The following GPC5 variants were observed in gnomAD, a reference collection of about 807,000 sequenced individuals.
GPC5 encodes the protein glypican 5.
In GPC5, 47 loss-of-function variants were observed where a neutral mutation model predicts 53.9. That is an observed-to-expected ratio of 0.87 (90% confidence interval 0.69 to 1.11). The LOEUF is 1.11. GPC5 is among the 50% of genes most tolerant of loss of function. GPC5 has a pLI of 0.00. For synonymous variants in GPC5, 286 were observed against 263.3 expected, an observed-to-expected ratio of 1.09 and a Z score of -0.84; for missense variants, 748 against 713.1, an observed-to-expected ratio of 1.05 and a Z score of -0.56.
At chr13:91,903,297 A>G (rs1594652767) in intron 5 of GPC5, among the ~76,000 whole-genome samples, 1 of 152,224 alleles carries the variant, frequency 6.6e-6, no homozygotes, top group Middle Eastern at 3.4e-3. Flanking sequence ...ATACTATATC[A>G]TTATACAAAT....
At chr13:91,537,340 T>G (rs1419412073) in intron 2 of GPC5, among the ~76,000 whole-genome samples, 1 of 149,568 alleles carries the variant, frequency 6.7e-6, no homozygotes, top group African/African-American at 2.5e-5. Flanking sequence ...AAATCAGGAG[T>G]GAAAGAAAGG....
chr13:91,598,400 T>A (rs74392629), intron 2 of GPC5, among the ~76,000 whole-genome samples: 5,163 of 152,096 alleles, frequency 0.034, 125 homozygotes, highest in Non-Finnish European at 0.049. Flanking sequence ...CAGGTAGAGC[T>A]CTTTCACTAA....
At position 92,022,520 on chromosome 13, in the gene GPC5, AGGTACAT is replaced by A. The variant is rs2040767664; in HGVS notation, c.1401+114467_1401+114473del. ...TATGCCTGTGAAATTACATTGAGTC[AGGTACAT>A]GGTGGATCTTAATAATTGTGTGTTT... On this transcript the variant is annotated intron_variant, in intron 6 of 7. Transcript: ENST00000377067. Among the ~76,000 whole-genome samples the A allele has an allele frequency of 2.0e-5, 3 of 152,280 alleles. No homozygotes were observed. The South Asian group carries it at 6.2e-4, about 32-fold the overall frequency.
intron 2 of GPC5, among the ~76,000 whole-genome samples, chr13:91,463,683 A>G (rs528119129): frequency 6.6e-6 from 1 of 152,260 alleles, no homozygotes; most frequent in South Asian, 2.1e-4. Context: ...TATTCAATGG[A>G]GAAAGAATAT....
At chr13:91,468,136 G>A (rs929596835) in intron 2 of GPC5, among the ~76,000 whole-genome samples, 2 of 152,128 alleles carry the variant, frequency 1.3e-5, no homozygotes, top group Non-Finnish European at 2.9e-5. Context: ...TGGCAGCTGT[G>A]CATGTTGCTT....
At chr13:92,272,771 AC>A (rs1299099629) in intron 7 of GPC5, among the ~76,000 whole-genome samples, 2 of 152,208 alleles carry the variant, frequency 1.3e-5, no homozygotes, top group African/African-American at 4.8e-5. Context: ...GTATTACAGA[AC>A]AAAGTGGAAT....
chr13:91,423,690 G>A (rs537422069), intron 1 of GPC5, among the ~76,000 whole-genome samples: 1 of 152,142 alleles, frequency 6.6e-6, no homozygotes, highest in Non-Finnish European at 1.5e-5. Context: ...ATAATGTATT[G>A]TGTATTTCAA....
intron 7 of GPC5, among the ~76,000 whole-genome samples, chr13:92,145,349 TA>T (rs898317282): frequency 6.6e-6 from 1 of 152,126 alleles, no homozygotes; most frequent in Admixed American, 6.6e-5. Context: ...ATTGTGCAAT[TA>T]AAAAATTACA....
intron 5 of GPC5, among the ~76,000 whole-genome samples, chr13:91,893,878 A>T (rs2039413866): frequency 6.6e-6 from 1 of 151,786 alleles, no homozygotes; most frequent in South Asian, 2.1e-4. Context: ...TGGCCTTGAA[A>T]TCTATCATTC....
intron 6 of GPC5, among the ~76,000 whole-genome samples, chr13:92,139,176 G>C (rs370619747): frequency 6.6e-6 from 1 of 152,180 alleles, no homozygotes; most frequent in Middle Eastern, 3.4e-3. Flanking sequence ...CCTTATTGGC[G>C]ATAAGAAAAA....
intron 7 of GPC5, among the ~76,000 whole-genome samples, chr13:92,401,837 C>A (rs2139337543): frequency 6.6e-6 from 1 of 152,178 alleles, no homozygotes; most frequent in South Asian, 2.1e-4. Context: ...TATAACAGAA[C>A]ACGGGTCTTT....
At chr13:92,713,635 T>C (rs1330104511) in intron 7 of GPC5, among the ~76,000 whole-genome samples, 1 of 151,616 alleles carries the variant, frequency 6.6e-6, no homozygotes, top group Non-Finnish European at 1.5e-5. Context: ...GTTCAATATT[T>C]TTAACTCTTA....
At chr13:92,535,876 C>T (rs768586601) in intron 7 of GPC5, among the ~76,000 whole-genome samples, 1 of 152,042 alleles carries the variant, frequency 6.6e-6, no homozygotes, top group African/African-American at 2.4e-5. Context: ...TAAAAACTCA[C>T]CTCAATGGAG....
At chr13:92,242,559 A>G (rs2042621134) in intron 7 of GPC5, among the ~76,000 whole-genome samples, 1 of 152,064 alleles carries the variant, frequency 6.6e-6, no homozygotes, top group African/African-American at 2.4e-5. Context: ...ACCAAAAGCT[A>G]TCCAGCTACT....
intron 7 of GPC5, among the ~76,000 whole-genome samples, chr13:92,564,092 G>A (rs774040645): frequency 1.6e-4 from 24 of 151,940 alleles, no homozygotes; most frequent in Non-Finnish European, 2.5e-4. Context: ...AATAATTCAA[G>A]AATAAAACAT....
At chr13:91,845,509 T>C (rs2038838859) in intron 5 of GPC5, among the ~76,000 whole-genome samples, 1 of 152,178 alleles carries the variant, frequency 6.6e-6, no homozygotes, top group East Asian at 1.9e-4. Context: ...TCTGCTCTCT[T>C]AGCAAATTTG....
intron 7 of GPC5, among the ~76,000 whole-genome samples, chr13:92,522,165 T>C (rs1186354767): frequency 6.6e-6 from 1 of 152,176 alleles, no homozygotes; most frequent in Non-Finnish European, 1.5e-5. Context: ...TTTATACTGT[T>C]GGTGGGACTG....
intron 7 of GPC5, among the ~76,000 whole-genome samples, chr13:92,424,427 A>G (rs1876731976): frequency 1.3e-5 from 2 of 152,050 alleles, no homozygotes; most frequent in African/African-American, 4.8e-5. Context: ...GACAGACAAT[A>G]TTTATTTTTT....
intron 7 of GPC5, among the ~76,000 whole-genome samples, chr13:92,383,193 C>T (rs921757301): frequency 6.6e-6 from 1 of 152,118 alleles, no homozygotes; most frequent in African/African-American, 2.4e-5. Flanking sequence ...ATTAAAGAGG[C>T]AGGCTTATTA....
Sources: allele counts gnomAD v4.1 joint callset (sites outside exome capture counted in the v4.1 genomes callset), GRCh38; gene constraint gnomAD v4.1.1; transcripts MANE v1.5; gene names NCBI Gene and HGNC (gene_info 2026-07-23, HGNC 2026-07-21).